Variants in CNTN4 observed in about 807,000 individuals in gnomAD.
CNTN4 encodes contactin-4.
Under a neutral mutation model 122.5 loss-of-function variants are expected in CNTN4, and 77 were observed. The ratio of observed to expected loss-of-function variants is 0.63; its 90% CI spans 0.52 to 0.76. The LOEUF (loss-of-function observed/expected upper bound fraction) is 0.76. Among genes scored for constraint, CNTN4 ranks in the 30% least tolerant of loss-of-function variants. The pLI, the probability that CNTN4 is intolerant of heterozygous loss-of-function variation, is 0.00. For synonymous variants in CNTN4, 512 were observed against 447.0 expected, an observed-to-expected ratio of 1.15 and a Z score of -1.83; for missense variants, 1,256 against 1,259.1, an observed-to-expected ratio of 1.00 and a Z score of 0.04.
intron 2 of CNTN4, among the ~76,000 whole-genome samples, chr3:2,196,548 C>G (rs1322615006): frequency 6.6e-6 from 1 of 152,112 alleles, no homozygotes; most frequent in Non-Finnish European, 1.5e-5. Flanking sequence ...CATGTAACCT[C>G]TGATTTATTT....
chr3:2,158,614 T>C (rs181789770), intron 2 of CNTN4, among the ~76,000 whole-genome samples: 10 of 152,308 alleles, frequency 6.6e-5, no homozygotes, highest in African/African-American at 1.7e-4. Context: ...TATGTCCACA[T>C]TGGCAGCATT....
intron 4 of CNTN4, among the ~76,000 whole-genome samples, chr3:2,684,305 G>C (rs930758318): frequency 4.6e-5 from 7 of 152,148 alleles, no homozygotes; most frequent in Non-Finnish European, 7.4e-5. Context: ...GAGCAGAATA[G>C]GCCAGCCTAA....
chr3:2,738,402 A>G (rs539845128), intron 5 of CNTN4, among the ~76,000 whole-genome samples: 1 of 152,316 alleles, frequency 6.6e-6, no homozygotes, highest in African/African-American at 2.4e-5. Flanking sequence ...TTAAAGCAAA[A>G]CAAAATAACT....
chr3:3,008,875 C>G, intron 14 of CNTN4: 1 of 869,296 alleles, frequency 1.2e-6, no homozygotes. Context: ...TCGGGTTTCC[C>G]ATTGTCCTCG....
intron 3 of CNTN4, among the ~76,000 whole-genome samples, chr3:2,492,585 G>A (rs2076348546): frequency 6.6e-6 from 1 of 152,142 alleles, no homozygotes. Flanking sequence ...ATACGTAGGT[G>A]ACCATGTTAT....
At chr3:2,453,848 A>C (rs1309906696) in intron 3 of CNTN4, among the ~76,000 whole-genome samples, 1 of 152,192 alleles carries the variant, frequency 6.6e-6, no homozygotes, top group African/African-American at 2.4e-5. Flanking sequence ...GTTAATATGC[A>C]AAATCATTAA....
At chr3:2,237,879 A>G (rs1433882801) in intron 2 of CNTN4, among the ~76,000 whole-genome samples, 1 of 152,190 alleles carries the variant, frequency 6.6e-6, no homozygotes, top group Admixed American at 6.5e-5. Flanking sequence ...AAATTAGCCT[A>G]TAGGCCATTA....
At chr3:2,347,136 A>G (rs1666331) in intron 3 of CNTN4, among the ~76,000 whole-genome samples, 74,966 of 151,994 alleles carry the variant, frequency 0.49, 18,703 homozygotes, top group Admixed American at 0.52. Context: ...TGGCTAGTTC[A>G]TGCTGCATTA....
At chr3:2,603,481 G>C (rs2081135059) in intron 4 of CNTN4, among the ~76,000 whole-genome samples, 1 of 152,252 alleles carries the variant, frequency 6.6e-6, no homozygotes, top group East Asian at 1.9e-4. Context: ...AATAATGCTG[G>C]CAGTCTGCTG....
chr3:2,283,005 G>A (rs969463445), intron 2 of CNTN4, among the ~76,000 whole-genome samples: 3 of 152,102 alleles, frequency 2.0e-5, no homozygotes, highest in African/African-American at 7.2e-5. Context: ...AGAGGGGAAT[G>A]GAGAGTTATT....
intron 14 of CNTN4, among the ~76,000 whole-genome samples, chr3:2,997,448 G>A (rs1695635875): frequency 2.0e-5 from 3 of 152,222 alleles, no homozygotes; most frequent in South Asian, 2.1e-4. Context: ...GAAAGGAGAC[G>A]TGTCAGAATA....
intron 3 of CNTN4, among the ~76,000 whole-genome samples, chr3:2,434,780 T>C (rs1048821680): frequency 6.6e-6 from 1 of 152,172 alleles, no homozygotes; most frequent in African/African-American, 2.4e-5. Flanking sequence ...TATCATCCAT[T>C]TCTTCCACGA....
intron 6 of CNTN4, among the ~76,000 whole-genome samples, chr3:2,813,936 C>G (rs990019312): frequency 2.0e-5 from 3 of 152,184 alleles, no homozygotes; most frequent in Non-Finnish European, 4.4e-5. Context: ...TTGTACACGT[C>G]CACTCCTCCA....
At chr3:2,418,203 A>G (rs948093724) in intron 3 of CNTN4, among the ~76,000 whole-genome samples, 3 of 152,162 alleles carry the variant, frequency 2.0e-5, no homozygotes, top group South Asian at 2.1e-4. Flanking sequence ...CTGGTGAGGT[A>G]TATTGATAGT....
At chr3:2,202,694 G>A (rs572144025) in intron 2 of CNTN4, among the ~76,000 whole-genome samples, 1 of 152,074 alleles carries the variant, frequency 6.6e-6, no homozygotes, top group South Asian at 2.1e-4. Context: ...ATTTACTTAA[G>A]GTCACATAGC....
chr3:2,391,878 G>A (rs1222862071), intron 3 of CNTN4, among the ~76,000 whole-genome samples: 1 of 152,166 alleles, frequency 6.6e-6, no homozygotes, highest in Non-Finnish European at 1.5e-5. Context: ...TTTTGGAAAA[G>A]TGGTAGTGAA....
intron 2 of CNTN4, among the ~76,000 whole-genome samples, chr3:2,176,983 C>T (rs1274739879): frequency 6.6e-6 from 1 of 152,022 alleles, no homozygotes; most frequent in African/African-American, 2.4e-5. Flanking sequence ...CATGTAACAG[C>T]ATGCAGAAAT....
At chr3:2,719,584 C>G (rs2087713859) in intron 4 of CNTN4, among the ~76,000 whole-genome samples, 1 of 151,996 alleles carries the variant, frequency 6.6e-6, no homozygotes, top group Non-Finnish European at 1.5e-5. Context: ...TGACCACGCC[C>G]AGCTAATTTT....
At chr3:2,922,142 C>T (rs1269219901) in intron 12 of CNTN4, among the ~76,000 whole-genome samples, 1 of 152,164 alleles carries the variant, frequency 6.6e-6, no homozygotes, top group Non-Finnish European at 1.5e-5. Flanking sequence ...TACTCTCAGA[C>T]ATAAGGGGCA....
Sources: gnomAD v4.1 joint callset for allele counts (sites outside exome capture counted in the v4.1 genomes callset) on GRCh38, gnomAD v4.1.1 for gene constraint, MANE v1.5 for transcripts, NCBI Gene and HGNC (gene_info 2026-07-23, HGNC 2026-07-21) for gene names.